The following KCNQ1 variants were observed in gnomAD, a reference collection of about 807,000 sequenced individuals.
KCNQ1 encodes potassium voltage-gated channel subfamily Q member 1.
Under a neutral mutation model 72.4 loss-of-function variants are expected in KCNQ1, and 49 were observed. That is an observed-to-expected ratio of 0.68 (90% CI 0.54 to 0.86). The LOEUF is 0.86. Ranked by LOEUF, KCNQ1 falls within the 40% of genes least tolerant of loss-of-function variation. KCNQ1 has a pLI of 0.00. For synonymous variants in KCNQ1, 450 were observed against 412.6 expected (o/e 1.09, Z -1.10); for missense variants, 790 against 945.1 (o/e 0.84, Z 2.15).
In KCNQ1 at chr11:2,445,224, G is replaced by A. The variant is rs1386348887; in HGVS notation, c.126G>A (p.Glu42=). Residue 42 remains glutamate, a synonymous_variant, in exon 1 of 16, where the codon GAG becomes GAA. Transcript: ENST00000155840. ...KKCPFSLELA[E]GGPAGGALYA... ...GCCCCTTCTCGCTGGAGCTGGCGGA[G>A]GGCGGCCCGGCGGGCGGCGCGCTCT... 2 of 1,132,658 alleles carry A rather than the reference G, an allele frequency of 1.8e-6. No individual in the cohort carries two copies. The highest frequency in any genetic ancestry group is 3.3e-5 in the African/African-American group (2 of 59,836). 70.2% of individuals were successfully genotyped at this position (1,132,658 alleles called of 1,614,324 possible). A position where few individuals can be genotyped will look rare whatever the true frequency, so the allele number is the denominator to read the frequency against.
At chr11:2,461,752 G>A (rs1564787548) in intron 1 of KCNQ1, 2 of 1,360,868 alleles carry the variant, frequency 1.5e-6, no homozygotes, top group Non-Finnish European at 2.0e-6. Flanking sequence ...GCAGAGGAAG[G>A]GATGGGCAGG....
chr11:2,585,189 G>A, intron 7 of KCNQ1, 23 bp from the exon 8 acceptor site: 2 of 1,606,520 alleles, frequency 1.2e-6, no homozygotes, highest in South Asian at 1.1e-5. Context: ...GTGGACGGGA[G>A]CCTCCTGTCC....
At chr11:2,685,391 A>G (rs892237417) in intron 11 of KCNQ1, 4 of 398,558 alleles carry the variant, frequency 1.0e-5, no homozygotes, top group Non-Finnish European at 1.8e-5. Context: ...GGCAGGGGAT[A>G]GATGTGTTTC....
Position 2,463,659 on chromosome 11 carries a change from C to T in KCNQ1, c.386+18175C>T, listed in dbSNP as rs918649999. The stretch of plus-strand genomic sequence containing the variant: ...GGTGTACTCCCTGTGCTGGGCACTG[C>T]GCTGAGCTCAACACACAGGGGCTCG... On this transcript the variant is annotated intron_variant, in intron 1 of 15. Coordinates refer to ENST00000155840, the MANE Select transcript of KCNQ1 (RefSeq NM_000218.3). This position sits in a 1 kb window ranked among gnomAD's most constrained non-coding sequence, Gnocchi z 7.0. Among the ~76,000 whole-genome samples the T allele has an allele frequency of 2.1e-4, 32 of 152,256 alleles. 1 individual carries two copies. Among genetic ancestry groups the T allele is most frequent in the Middle Eastern group, 3.4e-3 (1 of 294 alleles).
intron 15 of KCNQ1, among the ~76,000 whole-genome samples, chr11:2,844,725 G>A (rs1278192910): frequency 2.0e-5 from 3 of 152,228 alleles, no homozygotes; most frequent in Non-Finnish European, 4.4e-5. Flanking sequence ...AATCCCCTGT[G>A]AAGGCCTCCA....
intron 2 of KCNQ1, among the ~76,000 whole-genome samples, chr11:2,552,930 A>T (rs923480498): frequency 1.3e-5 from 2 of 152,304 alleles, no homozygotes; most frequent in African/African-American, 4.8e-5. Context: ...ACTCATCAGG[A>T]TTGTGTAATT....
intron 1 of KCNQ1, among the ~76,000 whole-genome samples, chr11:2,470,105 C>A (rs375520748): frequency 6.6e-6 from 1 of 152,166 alleles, no homozygotes; most frequent in African/African-American, 2.4e-5. Context: ...GGACCACAGG[C>A]GCATGTCACC....
rs1257052101 is a variant in KCNQ1, at chr11:2,588,129, G to C, written c.1251+437G>C. Among the ~76,000 whole-genome samples, 1 of 152,088 alleles carries C rather than the reference G, an allele frequency of 6.6e-6. No homozygotes were observed. The highest frequency in any genetic ancestry group is 1.5e-5 in the Non-Finnish European group (1 of 68,004). Reference sequence around the variant, plus strand: ...AAGGGGGTCTGGAGGTCACAGGGCAGTGGAGTTTGGCAGGCGCTGGGCAGA... The same window carrying C: ...AAGGGGGTCTGGAGGTCACAGGGCACTGGAGTTTGGCAGGCGCTGGGCAGA... On this transcript the variant is annotated intron_variant, in intron 9 of 15. Coordinates refer to ENST00000155840, the MANE Select transcript of KCNQ1 (RefSeq NM_000218.3). The surrounding 1 kb of genome is among the most constrained non-coding windows in gnomAD (Gnocchi z 5.6).
rs1174112694 is a variant in KCNQ1, at chr11:2,562,225, G to T, written c.478-8403G>T. ...GTACTCCCCGGGGGGTGGGGGTGAG[G>T]GCGGGGGTGAGTGTGGATGAGGGCC... On this transcript the variant is annotated intron_variant, in intron 2 of 15. Coordinates refer to ENST00000155840, the MANE Select transcript of KCNQ1 (RefSeq NM_000218.3). This position sits in a 1 kb window ranked among gnomAD's most constrained non-coding sequence, Gnocchi z 7.5. Among the ~76,000 whole-genome samples the T allele has an allele frequency of 6.6e-6, 1 of 151,882 alleles. No individual in the cohort carries two copies. The highest frequency in any genetic ancestry group is 1.5e-5 in the Non-Finnish European group (1 of 67,916).
At position 2,643,510 on chromosome 11, in the gene KCNQ1, T is replaced by G. The variant is rs1849612112; in HGVS notation, c.1394-18451T>G. 1.3e-5 allele frequency: 5 copies of G among 398,520 alleles called. No individual in the cohort carries two copies. In the South Asian group the frequency reaches 6.4e-4, roughly 51 times the overall value. The allele number at this position is 398,520 out of a possible 1,614,324, so 24.7% of individuals were successfully genotyped here. ...TTTGTTTCCTTTTGCATGTAATATC[T>G]TTTCCCATTCCTTTCTTTCAACTAT... is the stretch of plus-strand genomic sequence containing the variant. On this transcript the variant is annotated intron_variant, in intron 10 of 15. Transcript: ENST00000155840.
In KCNQ1 at chr11:2,547,393, G is replaced by A. The variant is rs1363032894; in HGVS notation, c.477+19375G>A. On this transcript the variant is annotated intron_variant, in intron 2 of 15. Coordinates refer to ENST00000155840, the MANE Select transcript of KCNQ1 (RefSeq NM_000218.3). This position sits in a 1 kb window ranked among gnomAD's most constrained non-coding sequence, Gnocchi z 4.2. Reference sequence around the variant, plus strand: ...TTATAGGTGGGCGCCACCACACCTGGCTAATTTTTTTTGTATTATTAGTAG... The same window carrying A: ...TTATAGGTGGGCGCCACCACACCTGACTAATTTTTTTTGTATTATTAGTAG... Among the ~76,000 whole-genome samples the A allele has an allele frequency of 2.6e-5, 4 of 152,002 alleles. No homozygotes were observed. Among genetic ancestry groups the A allele is most frequent in the Non-Finnish European group, 4.4e-5 (3 of 68,006 alleles).
In KCNQ1 at chr11:2,645,441, G is replaced by A. The variant is rs985071151; in HGVS notation, c.1394-16520G>A. ...CCAGTAATGCAAGAATGTACTGACT[G>A]TGGTAGGCAGGCACAGGAAGATCCC... is the stretch of plus-strand genomic sequence containing the variant. On this transcript the variant is annotated intron_variant, in intron 10 of 15. Coordinates refer to ENST00000155840, the MANE Select transcript of KCNQ1 (RefSeq NM_000218.3). The surrounding 1 kb of genome is among the most constrained non-coding windows in gnomAD (Gnocchi z 5.8). The A allele has an allele frequency of 1.0e-5, 4 of 398,586 alleles. No homozygotes were observed. Among genetic ancestry groups the A allele is most frequent in the African/African-American group, 6.2e-5 (3 of 48,634 alleles). 24.7% of individuals were successfully genotyped at this position (398,586 alleles called of 1,614,324 possible).
At chr11:2,582,073 T>G (rs1354049224) in intron 6 of KCNQ1, among the ~76,000 whole-genome samples, 1 of 152,214 alleles carries the variant, frequency 6.6e-6, no homozygotes, top group East Asian at 1.9e-4. Context: ...CCCTGTGGCC[T>G]GGCGGCGGTG....
chr11:2,534,484 G>A (rs894842371), intron 2 of KCNQ1, among the ~76,000 whole-genome samples: 12 of 152,210 alleles, frequency 7.9e-5, no homozygotes, highest in Non-Finnish European at 1.2e-4. Flanking sequence ...TGCAGCTGCC[G>A]CCCGCTGAGG....
intron 10 of KCNQ1, among the ~76,000 whole-genome samples, chr11:2,604,512 T>C (rs1848852109): frequency 6.6e-6 from 1 of 151,666 alleles, no homozygotes; most frequent in Non-Finnish European, 1.5e-5. Flanking sequence ...GAAAGAGATA[T>C]GAAAACACAT....
At chr11:2,681,241 T>C in intron 11 of KCNQ1, 1 of 398,412 alleles carries the variant, frequency 2.5e-6, no homozygotes, top group Non-Finnish European at 4.4e-6. Flanking sequence ...AGCAGGAGAG[T>C]ATTCCTGCCT....
Position 2,658,128 on chromosome 11 carries a change from A to G in KCNQ1, c.1394-3833A>G, listed in dbSNP as rs1473593731. 6 of 398,464 alleles carry G rather than the reference A, an allele frequency of 1.5e-5. No homozygotes were observed. The highest frequency in any genetic ancestry group is 4.4e-5 in the Admixed American group (1 of 22,718). 24.7% of individuals were successfully genotyped at this position (398,464 alleles called of 1,614,324 possible). A position where few individuals can be genotyped will look rare whatever the true frequency, so the allele number is the denominator to read the frequency against. On this transcript the variant is annotated intron_variant, in intron 10 of 15. Transcript: ENST00000155840. This position sits in a 1 kb window ranked among gnomAD's most constrained non-coding sequence, Gnocchi z 4.9. ...AGAGTATCAAAAAAAATCTGCAAAT[A>G]TGTTAAAACTACCACAGCAATTAAA...
intron 10 of KCNQ1, chr11:2,650,530 G>C: frequency 5.0e-6 from 2 of 398,680 alleles, no homozygotes; most frequent in Non-Finnish European, 8.8e-6. Flanking sequence ...CACATCAGTG[G>C]TATCTGCAAG....
rs112872793 is a variant in KCNQ1, at chr11:2,833,468, G to A, written c.1795-14299G>A. Among the ~76,000 whole-genome samples the A allele has an allele frequency of 4.1e-3, 632 of 152,328 alleles. 4 individuals are homozygous for A. The highest frequency in any genetic ancestry group is 6.7e-3 in the Non-Finnish European group (453 of 68,026). ...TCAGCCTTAGGGTGGGCACCTGGGC[G>A]CAGCTGTCAGGCCCCAAGTCAGCCC... On this transcript the variant is annotated intron_variant, in intron 15 of 15. Coordinates refer to ENST00000155840, the MANE Select transcript of KCNQ1 (RefSeq NM_000218.3).
Sources: gnomAD v4.1 joint callset for allele counts (sites outside exome capture counted in the v4.1 genomes callset) on GRCh38, gnomAD v4.1.1 for gene constraint, Gnocchi (gnomAD v3.1) non-coding constraint, MANE v1.5 for transcripts, NCBI Gene and HGNC (gene_info 2026-07-23, HGNC 2026-07-21) for gene names.